CRYBB3: variants seen among roughly 807,000 people sequenced by gnomAD.
The protein encoded by CRYBB3 is beta-crystallin B3.
In CRYBB3, 35 loss-of-function variants were observed where a neutral mutation model predicts 28.3. The ratio of observed to expected loss-of-function variants is 1.24; its 90% CI spans 0.95 to 1.64. The LOEUF (loss-of-function observed/expected upper bound fraction) is 1.64. CRYBB3 is among the 40% of genes most tolerant of loss of function. The probability of loss-of-function intolerance (pLI) is 0.00; values close to 1 mark genes in which losing one functional copy is unlikely to be tolerated. For missense variants in CRYBB3, 296 were observed against 297.4 expected (o/e 1.00, Z 0.04); for synonymous variants, 106 against 110.4 (o/e 0.96, Z 0.25).
At chr22:25,203,494 C>T (rs1185382337) in intron 3 of CRYBB3, among the ~76,000 whole-genome samples, 2 of 152,108 alleles carry the variant, frequency 1.3e-5, no homozygotes, top group Non-Finnish European at 2.9e-5. Flanking sequence ...TACTGTGTAC[C>T]GGGCATTGTG....
At chr22:25,206,129 G>C (rs1475464404) in intron 5 of CRYBB3, among the ~76,000 whole-genome samples, 1 of 152,104 alleles carries the variant, frequency 6.6e-6, no homozygotes. Flanking sequence ...TGTAATCTGG[G>C]GTTGGGCCTT....
chr22:25,202,727 C>T lies in CRYBB3; in HGVS notation c.129C>T (p.Ala43=), dbSNP rs1003438117. 6.2e-6 allele frequency: 10 copies of T among 1,613,972 alleles called. No individual in the cohort carries two copies. The South Asian group carries it at 6.6e-5, about 11-fold the overall frequency. The part of the protein sequence containing the change: ...NFQGKRCELS[A]ECPSLTDSLL... ...AAGGCAAACGCTGCGAGCTCTCGGC[C>T]GAGTGCCCCAGCCTGACCGACAGCC... Residue 43 remains alanine (A), a synonymous_variant, in exon 3 of 6, where the codon GCC becomes GCT. Coordinates refer to ENST00000215855, the MANE Select transcript of CRYBB3 (RefSeq NM_004076.5).
intron 3 of CRYBB3, among the ~76,000 whole-genome samples, 171 bp downstream of exon 3, chr22:25,202,963 G>A (rs1934974074): frequency 6.6e-6 from 1 of 152,204 alleles, no homozygotes; most frequent in Non-Finnish European, 1.5e-5. Flanking sequence ...TAGAATCCTA[G>A]ATGTCTGCAG....
At chr22:25,202,871 T>A (rs921958494) in intron 3 of CRYBB3, 79 bp downstream of exon 3, 16 of 1,587,328 alleles carry the variant, frequency 1.0e-5, no homozygotes, top group Admixed American at 5.3e-5. Flanking sequence ...GAGCTCTAGA[T>A]CTGTTGTGGG....
In CRYBB3 at chr22:25,207,274, G is replaced by A; in HGVS notation, c.*62G>A. Reference sequence around the variant, plus strand: ...GGGGGCTGCAAGGGCAAGAAGAGGAGGCTCCAGGGTTGGGGCGAGGGCCGA... The same window carrying A: ...GGGGGCTGCAAGGGCAAGAAGAGGAAGCTCCAGGGTTGGGGCGAGGGCCGA... On this transcript the variant is annotated 3_prime_UTR_variant, in exon 6 of 6. Coordinates refer to ENST00000215855, the MANE Select transcript of CRYBB3 (RefSeq NM_004076.5). The A allele has an allele frequency of 6.6e-7, 1 of 1,506,552 alleles. No homozygotes were observed. 93.3% of individuals were successfully genotyped at this position (1,506,552 alleles called of 1,614,324 possible). A position where few individuals can be genotyped will look rare whatever the true frequency, so the allele number is the denominator to read the frequency against.
chr22:25,203,957 C>T, intron 4 of CRYBB3, 62 bp downstream of exon 4: 1 of 1,603,202 alleles, frequency 6.2e-7, no homozygotes, highest in South Asian at 1.1e-5. Flanking sequence ...GAGAGCTGGT[C>T]AGGCAGCTCA....
Position 25,202,682 on chromosome 22 carries a change from G to T in CRYBB3, c.84G>T (p.Leu28Phe). The change falls in exon 3 of 6, where the codon TTG becomes TTT. Residue 28 changes from leucine (L) to phenylalanine (F), a missense_variant. By Grantham distance (22) the Leu-to-Phe change is conservative (BLOSUM62 0). Coordinates refer to ENST00000215855, the MANE Select transcript of CRYBB3 (RefSeq NM_004076.5). ...GDLGGSYKVI[L>F]YELENFQGKR... is the part of the protein sequence containing the mutation. ...GGACTCTGCTCTTCTAGGTGATCTTGTACGAACTAGAGAACTTCCAAGGCA... is the reference window on the plus strand; with the variant it reads ...GGACTCTGCTCTTCTAGGTGATCTTTTACGAACTAGAGAACTTCCAAGGCA... The T allele has an allele frequency of 6.2e-7, 1 of 1,613,954 alleles. No homozygotes were observed. The highest frequency in any genetic ancestry group is 1.3e-5 in the African/African-American group (1 of 75,052).
chr22:25,203,717 C>G (rs1197572345), intron 3 of CRYBB3, 46 bp from the exon 4 acceptor site: 5 of 1,613,134 alleles, frequency 3.1e-6, no homozygotes, highest in Non-Finnish European at 4.2e-6. Context: ...TGAATCCTTC[C>G]TCAGCTGCAG....
rs144393956 is a variant in CRYBB3 at position 25,201,402 on chromosome 22, G to T, written c.6G>T (p.Ala2=). The change falls in exon 2 of 6, where the codon GCG becomes GCT. Residue 2 remains alanine (A), a synonymous_variant. Transcript: ENST00000215855. ...CCAGAGGTGTTCCTGGGGAGATGGC[G>T]GAACAGCACGGAGCACCCGAACAGG... The part of the protein sequence containing the change: M[A]EQHGAPEQAA... 2 of 1,613,200 alleles carry T rather than the reference G, an allele frequency of 1.2e-6. No individual in the cohort carries two copies. Among genetic ancestry groups the T allele is most frequent in the Non-Finnish European group, 1.7e-6 (2 of 1,179,544 alleles).
chr22:25,201,357 C>A lies in CRYBB3; in HGVS notation c.-20-20C>A. On this transcript the variant is annotated intron_variant, in intron 1 of 5. Transcript: ENST00000215855. ...CTTCTCCCGGGTGGATCCAGTGAAC[C>A]ATTTTCTTTTGGTTTGAAGCCAGAG... is the stretch of plus-strand genomic sequence containing the variant. The A allele has an allele frequency of 1.2e-6, 2 of 1,611,364 alleles. No individual in the cohort carries two copies. The highest frequency in any genetic ancestry group is 2.2e-5 in the South Asian group (2 of 90,902).
intron 1 of CRYBB3, among the ~76,000 whole-genome samples, chr22:25,200,777 C>T (rs986541704): frequency 1.4e-4 from 22 of 152,176 alleles, no homozygotes; most frequent in Admixed American, 3.3e-4. Context: ...AGGTGTCCAA[C>T]GACCTGGTCT....
At position 25,207,044 on chromosome 22, in the gene CRYBB3, C is replaced by T; in HGVS notation, c.471-3C>T. The T allele has an allele frequency of 6.2e-7, 1 of 1,611,734 alleles. No individual in the cohort carries two copies. Among genetic ancestry groups the T allele is most frequent in the Non-Finnish European group, 8.5e-7 (1 of 1,178,016 alleles). ...CCACATCTCAACCTTGGTCTCCCGGCAGGTGGGTTGGCTATGAGTTCCCCG... is the reference window on the plus strand; with the variant it reads ...CCACATCTCAACCTTGGTCTCCCGGTAGGTGGGTTGGCTATGAGTTCCCCG... On this transcript the variant is annotated splice_region_variant and splice_polypyrimidine_tract_variant and intron_variant, in intron 5 of 5. Coordinates refer to ENST00000215855, the MANE Select transcript of CRYBB3 (RefSeq NM_004076.5).
chr22:25,202,562 G>T, intron 2 of CRYBB3, 112 bp from the exon 3 acceptor site: 1 of 1,587,790 alleles, frequency 6.3e-7, no homozygotes, highest in East Asian at 2.3e-5. Flanking sequence ...CCAGCTCCAG[G>T]CTGGAGAGAT....
intron 5 of CRYBB3, among the ~76,000 whole-genome samples, chr22:25,206,755 A>G (rs773966156): frequency 2.6e-5 from 4 of 152,084 alleles, no homozygotes; most frequent in Non-Finnish European, 5.9e-5. Context: ...TGAGGTGAGC[A>G]AGAGTGTTCC....
At position 25,202,797 on chromosome 22, in the gene CRYBB3, GTACC is replaced by G; in HGVS notation, c.194+8_194+11del. 1 of 1,613,604 alleles carries G rather than the reference GTACC, an allele frequency of 6.2e-7. No individual in the cohort carries two copies. The highest frequency in any genetic ancestry group is 1.1e-5 in the South Asian group (1 of 91,026). On this transcript the variant is annotated splice_donor_region_variant and intron_variant, in intron 3 of 5. Coordinates refer to ENST00000215855, the MANE Select transcript of CRYBB3 (RefSeq NM_004076.5). ...CATCCAAGTGGAGTCCGGGCCGTGA[GTACC>G]TAGACCCCCAGTCCCTCGCCACAGC... is the stretch of plus-strand genomic sequence containing the variant.
At chr22:25,200,034 G>A (rs1190809569) in intron 1 of CRYBB3, 125 bp downstream of exon 1, 1 of 152,116 alleles carries the variant, frequency 6.6e-6, no homozygotes, top group African/African-American at 2.4e-5. Flanking sequence ...CTCCCTTAAG[G>A]GTCAGGTCCC....
chr22:25,204,697 C>T (rs1935000307), intron 4 of CRYBB3, among the ~76,000 whole-genome samples: 1 of 152,174 alleles, frequency 6.6e-6, no homozygotes, highest in South Asian at 2.1e-4. Flanking sequence ...GGATTACAGG[C>T]CTGAGCCACC....
intron 1 of CRYBB3, among the ~76,000 whole-genome samples, 166 bp downstream of exon 1, chr22:25,200,075 G>T (rs1404507117): frequency 6.6e-6 from 1 of 152,166 alleles, no homozygotes; most frequent in South Asian, 2.1e-4. Flanking sequence ...CCAGCTGGGG[G>T]TGGAACGAGG....
intron 5 of CRYBB3, among the ~76,000 whole-genome samples, chr22:25,206,607 T>C (rs1935039519): frequency 6.6e-6 from 1 of 152,168 alleles, no homozygotes; most frequent in Non-Finnish European, 1.5e-5. Flanking sequence ...CACAACGTAT[T>C]GTGATCAGGA....
Sources: allele counts gnomAD v4.1 joint callset (sites outside exome capture counted in the v4.1 genomes callset), GRCh38; gene constraint gnomAD v4.1.1; transcripts MANE v1.5; gene names NCBI Gene and HGNC (gene_info 2026-07-23, HGNC 2026-07-21).